GCC2: variants seen among roughly 807,000 people sequenced by gnomAD.
GCC2 encodes GRIP and coiled-coil domain-containing protein 2.
Under a neutral mutation model 210.6 loss-of-function variants are expected in GCC2, and 120 were observed. That is an observed-to-expected ratio of 0.57 (90% CI 0.49 to 0.66). GCC2 has a LOEUF of 0.66. Among genes scored for constraint, GCC2 ranks in the 30% least tolerant of loss-of-function variants. The pLI, the probability that GCC2 is intolerant of heterozygous loss-of-function variation, is 0.00. For synonymous variants in GCC2, 703 were observed against 652.7 expected (o/e 1.08, Z -1.17); for missense variants, 1,868 against 1,871.9 (o/e 1.00, Z 0.04).
intron 17 of GCC2, among the ~76,000 whole-genome samples, 160 bp from the exon 18 acceptor site, chr2:108,489,678 T>TG (rs58901561): frequency 0.38 from 58,203 of 151,966 alleles, 12,650 homozygotes; most frequent in East Asian, 0.89. Context: ...TAATATCTTT[T>TG]TATTATGTTT....
At chr2:108,485,332 AAAG>A (rs1279380130) in intron 13 of GCC2, among the ~76,000 whole-genome samples, 1 of 152,030 alleles carries the variant, frequency 6.6e-6, no homozygotes, top group Non-Finnish European at 1.5e-5. Context: ...TAAAAAAAAA[AAAG>A]AAAAAAAAAA....
rs946338697 is a variant in GCC2, at chr2:108,449,354, T to C, written c.6+74T>C. On this transcript the variant is annotated intron_variant, in intron 1 of 22. Coordinates refer to ENST00000309863, the MANE Select transcript of GCC2 (RefSeq NM_181453.4). ...ATTTGGGATGTGGGAGTGGGCCCGA[T>C]GGGAGGGCGCGGTAGTCTCCCTCTT... 9.2e-6 allele frequency: 14 copies of C among 1,519,992 alleles called. 1 individual carries two copies. In the Admixed American group the frequency reaches 2.7e-4, roughly 29 times the overall value. 94.2% of individuals were successfully genotyped at this position (1,519,992 alleles called of 1,614,324 possible). A position where few individuals can be genotyped will look rare whatever the true frequency, so the allele number is the denominator to read the frequency against.
chr2:108,481,598 T>C (rs1159715249), intron 9 of GCC2, 99 bp from the exon 10 acceptor site: 1 of 804,708 alleles, frequency 1.2e-6, no homozygotes, highest in Non-Finnish European at 1.9e-6. Flanking sequence ...ATTTTAAGCA[T>C]CCAGAATGGA....
At chr2:108,449,874 AAG>A (rs71732032) in intron 2 of GCC2, 185 bp downstream of exon 2, 41,456 of 587,898 alleles carry the variant, frequency 0.071, 1,893 homozygotes, top group Non-Finnish European at 0.076. Flanking sequence ...CCGATATAGA[AAG>A]ACTTTTTGTT....
chr2:108,455,701 C>T (rs143031891), intron 4 of GCC2, among the ~76,000 whole-genome samples: 217 of 152,280 alleles, frequency 1.4e-3, no homozygotes, highest in African/African-American at 4.9e-3. Flanking sequence ...TTAGATTTTA[C>T]TTAACATAAT....
Position 108,481,690 on chromosome 2 carries a change from A to C in GCC2, c.3061-7A>C. ...TATACCAAAGTTAAATCCTTCTTTT[A>C]TTGAAGAATCTTTTATTAGAATATG... On this transcript the variant is annotated splice_polypyrimidine_tract_variant and splice_region_variant and intron_variant, in intron 9 of 22. Transcript: ENST00000309863. 1 of 1,576,468 alleles carries C rather than the reference A, an allele frequency of 6.3e-7. No homozygotes were observed. The highest frequency in any genetic ancestry group is 8.6e-7 in the Non-Finnish European group (1 of 1,165,336).
chr2:108,505,058 C>T (rs894342179), intron 22 of GCC2, among the ~76,000 whole-genome samples: 4 of 152,220 alleles, frequency 2.6e-5, no homozygotes, highest in African/African-American at 9.7e-5. Context: ...CCTATCTTAG[C>T]ACAGCTTTTC....
intron 2 of GCC2, chr2:108,450,068 T>C: frequency 5.2e-6 from 1 of 193,122 alleles, no homozygotes; most frequent in South Asian, 1.1e-4. Context: ...TCCAGTTTTA[T>C]GGCCCTGTAC....
At position 108,489,924 on chromosome 2, in the gene GCC2, A is replaced by C. The variant is rs1442166911; in HGVS notation, c.4139A>C (p.Gln1380Pro). The stretch of plus-strand genomic sequence containing the variant: ...TTACAGATTAATGTATCTGAACTTC[A>C]AACATTGCAGTCTGAACATGATACA... ...NNLQINVSEL[Q>P]TLQSEHDTLL... Residue 1380 changes from glutamine (Q) to proline (P), a missense_variant, in exon 18 of 23, where the codon CAA becomes CCA. Gln to Pro is a moderately conservative substitution (Grantham distance 76). Coordinates refer to ENST00000309863, the MANE Select transcript of GCC2 (RefSeq NM_181453.4). 3 of 1,611,940 alleles carry C rather than the reference A, an allele frequency of 1.9e-6. No homozygotes were observed. Among genetic ancestry groups the C allele is most frequent in the African/African-American group, 2.7e-5 (2 of 74,886 alleles).
In GCC2 at chr2:108,471,450, T is replaced by G; in HGVS notation, c.2121T>G (p.Asp707Glu). 1 of 1,609,982 alleles carries G rather than the reference T, an allele frequency of 6.2e-7. No individual in the cohort carries two copies. Among genetic ancestry groups the G allele is most frequent in the South Asian group, 1.1e-5 (1 of 89,818 alleles). Residue 707 changes from aspartate to glutamate, a missense_variant, in exon 6 of 23, where the codon GAT becomes GAG. Physicochemically the swap from Asp to Glu is conservative, Grantham distance 45 (BLOSUM62 2). Coordinates refer to ENST00000309863, the MANE Select transcript of GCC2 (RefSeq NM_181453.4). ...CAGAAAAAAAACAGTTGAGTAGGGA[T>G]TTGGAGGTTTTTTTGTCTCAAAAAG... Reference protein sequence around the residue: ...LSSEKKQLSRDLEVFLSQKED... With the variant: ...LSSEKKQLSRELEVFLSQKED...
At chr2:108,500,283 G>A (rs1682853627) in intron 22 of GCC2, among the ~76,000 whole-genome samples, 1 of 152,140 alleles carries the variant, frequency 6.6e-6, no homozygotes, top group African/African-American at 2.4e-5. Flanking sequence ...GGGAGGCCGA[G>A]GCAGGCGGAT....
At chr2:108,482,810 G>T (rs1681937632) in intron 11 of GCC2, among the ~76,000 whole-genome samples, 1 of 152,072 alleles carries the variant, frequency 6.6e-6, no homozygotes, top group Non-Finnish European at 1.5e-5. Flanking sequence ...CCGAGTAGCT[G>T]GGATTACAGG....
At chr2:108,451,541 T>A (rs1017273352) in intron 3 of GCC2, among the ~76,000 whole-genome samples, 1 of 152,210 alleles carries the variant, frequency 6.6e-6, no homozygotes, top group African/African-American at 2.4e-5. Flanking sequence ...TATGTTTACC[T>A]GCTGAAGTTG....
Position 108,449,622 on chromosome 2 carries a change from T to G in GCC2, c.7-11T>G. ...GTTCTTCTGACACCTGGGTTTGATT[T>G]TGTTTTGCAGGATCTTGTTCAAGAT... On this transcript the variant is annotated splice_polypyrimidine_tract_variant and intron_variant, in intron 1 of 22. Coordinates refer to ENST00000309863, the MANE Select transcript of GCC2 (RefSeq NM_181453.4). 1 of 1,613,168 alleles carries G rather than the reference T, an allele frequency of 6.2e-7. No homozygotes were observed. Among genetic ancestry groups the G allele is most frequent in the Non-Finnish European group, 8.5e-7 (1 of 1,179,132 alleles).
At chr2:108,480,194 A>G (rs1297461009) in intron 9 of GCC2, among the ~76,000 whole-genome samples, 2 of 152,204 alleles carry the variant, frequency 1.3e-5, no homozygotes, top group African/African-American at 4.8e-5. Flanking sequence ...TGCTAGCAAT[A>G]AAACCATAAT....
chr2:108,475,334 G>T, intron 7 of GCC2: 1 of 373,368 alleles, frequency 2.7e-6, no homozygotes. Context: ...GAGGATTAAA[G>T]ACAATGGAAA....
At chr2:108,451,384 A>T (rs558682755) in intron 3 of GCC2, among the ~76,000 whole-genome samples, 3 of 152,182 alleles carry the variant, frequency 2.0e-5, no homozygotes, top group African/African-American at 4.8e-5. Context: ...TTTTTCCTTC[A>T]TGTAGACTTT....
At chr2:108,463,724 G>A (rs1680722741) in intron 4 of GCC2, among the ~76,000 whole-genome samples, 1 of 152,138 alleles carries the variant, frequency 6.6e-6, no homozygotes, top group Non-Finnish European at 1.5e-5. Flanking sequence ...CAGGCTGTTG[G>A]GTGGGTTCTT....
intron 22 of GCC2, among the ~76,000 whole-genome samples, chr2:108,503,128 T>G (rs1683011169): frequency 6.6e-6 from 1 of 150,810 alleles, no homozygotes; most frequent in African/African-American, 2.4e-5. Context: ...TTGAAGGATA[T>G]CCACAGATTC....
Sources: allele counts gnomAD v4.1 joint callset (sites outside exome capture counted in the v4.1 genomes callset), GRCh38; gene constraint gnomAD v4.1.1; transcripts MANE v1.5; gene names NCBI Gene and HGNC (gene_info 2026-07-23, HGNC 2026-07-21).